SLC4A5: variants seen among roughly 807,000 people sequenced by gnomAD.
SLC4A5 encodes solute carrier family 4 member 5.
A neutral mutation model predicts 120.4 loss-of-function variants in SLC4A5; 96 were observed. The ratio of observed to expected loss-of-function variants is 0.80; its 90% CI spans 0.68 to 0.94. SLC4A5 has a LOEUF of 0.94. SLC4A5 is among the 40% of genes least tolerant of loss of function. The pLI is 0.00. For synonymous variants in SLC4A5, 550 were observed against 571.1 expected, an observed-to-expected ratio of 0.96 and a Z score of 0.53; for missense variants, 1,259 against 1,459.5, an observed-to-expected ratio of 0.86 and a Z score of 2.24.
intron 7 of SLC4A5, among the ~76,000 whole-genome samples, chr2:74,296,755 C>G (rs2104225740): frequency 6.7e-6 from 1 of 148,968 alleles, no homozygotes; most frequent in African/African-American, 2.5e-5. Flanking sequence ...CCACTGCCCT[C>G]CAGCTTGGGT....
chr2:74,227,873 G>A, exon 26 of SLC4A5: 2 of 1,607,120 alleles, frequency 1.2e-6, no homozygotes. Flanking sequence ...CCGGCAGGGG[G>A]ATACACTAAA....
At chr2:74,304,755 A>C in intron 6 of SLC4A5, 75 bp from the exon 7 acceptor site, 1 of 1,454,024 alleles carries the variant, frequency 6.9e-7, no homozygotes, top group Non-Finnish European at 9.4e-7. Context: ...TTCATCAGTT[A>C]CAAAGAGATT....
intron 19 of SLC4A5, among the ~76,000 whole-genome samples, chr2:74,244,426 C>G (rs1670542168): frequency 6.8e-6 from 1 of 147,994 alleles, no homozygotes; most frequent in South Asian, 2.2e-4. Context: ...TCCCTCCTTC[C>G]CTTTCTTTCC....
At chr2:74,311,937 C>T (rs559092470) in intron 6 of SLC4A5, among the ~76,000 whole-genome samples, 13 of 152,110 alleles carry the variant, frequency 8.5e-5, no homozygotes, top group East Asian at 1.9e-4. Flanking sequence ...TTTGTCTGTT[C>T]GTCTTCAGTT....
At chr2:74,261,610 T>C (rs1045435582) in intron 11 of SLC4A5, among the ~76,000 whole-genome samples, 5 of 152,174 alleles carry the variant, frequency 3.3e-5, no homozygotes, top group Admixed American at 2.6e-4. Context: ...ACGAGGTGCA[T>C]GTAAAACCTG....
chr2:74,294,881 G>A (rs539924670), intron 7 of SLC4A5, among the ~76,000 whole-genome samples: 1 of 152,226 alleles, frequency 6.6e-6, no homozygotes, highest in South Asian at 2.1e-4. Flanking sequence ...ATGTTGGCCA[G>A]ACTGGTCTCA....
chr2:74,290,717 G>C (rs1672139268), intron 7 of SLC4A5: 1 of 985,436 alleles, frequency 1.0e-6, no homozygotes, highest in Non-Finnish European at 1.2e-6. Flanking sequence ...GAGAGAGAAA[G>C]GCTCAGTGGC....
chr2:74,228,258 G>C (rs1405454577), intron 25 of SLC4A5, among the ~76,000 whole-genome samples: 2 of 152,202 alleles, frequency 1.3e-5, no homozygotes, highest in African/African-American at 4.8e-5. Flanking sequence ...CCCTAAAACT[G>C]CTCAGCCTGC....
intron 7 of SLC4A5, among the ~76,000 whole-genome samples, chr2:74,286,893 C>T (rs116723913): frequency 0.035 from 5,306 of 152,162 alleles, 290 homozygotes; most frequent in African/African-American, 0.12. Flanking sequence ...TGGTTCAGCA[C>T]GTGAGCAAGG....
At chr2:74,307,348 G>C in intron 6 of SLC4A5, 1 of 590,274 alleles carries the variant, frequency 1.7e-6, no homozygotes. Context: ...TGGGCTTGTA[G>C]GTCTTTTACT....
intron 4 of SLC4A5, among the ~76,000 whole-genome samples, chr2:74,329,364 C>G (rs1244079476): frequency 6.6e-6 from 1 of 151,942 alleles, no homozygotes; most frequent in Non-Finnish European, 1.5e-5. Flanking sequence ...CTGAGGCGGG[C>G]AGATCACCTG....
At chr2:74,329,572 C>T (rs532634729) in intron 4 of SLC4A5, among the ~76,000 whole-genome samples, 7 of 151,526 alleles carry the variant, frequency 4.6e-5, no homozygotes, top group East Asian at 3.9e-4. Flanking sequence ...CTGGGCAACA[C>T]GGCGAGGCTC....
chr2:74,285,813 G>T (rs868145739), exon 8 of SLC4A5: 1 of 1,612,200 alleles, frequency 6.2e-7, no homozygotes, highest in East Asian at 2.2e-5. Context: ...CCGTCATGCT[G>T]CAGAGTATCC....
chr2:74,327,419 G>A (rs1673242668), intron 5 of SLC4A5, among the ~76,000 whole-genome samples: 1 of 152,198 alleles, frequency 6.6e-6, no homozygotes, highest in African/African-American at 2.4e-5. Flanking sequence ...GTCATGCTGG[G>A]CTTTAGAAAG....
intron 6 of SLC4A5, among the ~76,000 whole-genome samples, chr2:74,314,284 C>T: frequency 6.6e-6 from 1 of 152,160 alleles, no homozygotes; most frequent in Middle Eastern, 3.2e-3. Flanking sequence ...CCTCTCCTCT[C>T]ACGGTAAGTA....
intron 7 of SLC4A5, among the ~76,000 whole-genome samples, 192 bp from the exon 8 acceptor site, chr2:74,286,094 T>C (rs543822896): frequency 1.3e-5 from 2 of 152,264 alleles, no homozygotes; most frequent in South Asian, 4.1e-4. Context: ...CTCTTTAAGA[T>C]AAAAGAGATG....
chr2:74,275,906 G>A (rs1671624105), intron 8 of SLC4A5, among the ~76,000 whole-genome samples: 1 of 152,176 alleles, frequency 6.6e-6, no homozygotes. Flanking sequence ...GGGTTTGAAG[G>A]CATGTCTTTA....
At chr2:74,334,476 C>A (rs1673436464) in intron 3 of SLC4A5, among the ~76,000 whole-genome samples, 1 of 152,206 alleles carries the variant, frequency 6.6e-6, no homozygotes, top group African/African-American at 2.4e-5. Flanking sequence ...TGCCATCTAC[C>A]CAAGAAAACC....
chr2:74,265,225 T>C, exon 9 of SLC4A5: 1 of 1,614,210 alleles, frequency 6.2e-7, no homozygotes, highest in Non-Finnish European at 8.5e-7. Context: ...TGCTCCAGCG[T>C]TCGCCGCCTT....
Sources: gnomAD v4.1 joint callset for allele counts (sites outside exome capture counted in the v4.1 genomes callset) on GRCh38, gnomAD v4.1.1 for gene constraint, MANE v1.5 for transcripts, NCBI Gene and HGNC (gene_info 2026-07-23, HGNC 2026-07-21) for gene names.